Variants in CNGB1 observed in about 807,000 individuals in gnomAD.
CNGB1 encodes cyclic nucleotide-gated channel beta-1.
In CNGB1, 126 loss-of-function variants were observed where a neutral mutation model predicts 151.7. The observed-to-expected ratio is 0.83, with a 90% CI of 0.72 to 0.96. The LOEUF (loss-of-function observed/expected upper bound fraction) is 0.96. Ranked by LOEUF, CNGB1 falls within the 40% of genes least tolerant of loss-of-function variation. The probability of loss-of-function intolerance (pLI) is 0.00; values close to 1 mark genes in which losing one functional copy is unlikely to be tolerated. For synonymous variants in CNGB1, 623 were observed against 635.1 expected (o/e 0.98, Z 0.29); for missense variants, 1,698 against 1,627.0 (o/e 1.04, Z -0.75).
At position 57,885,306 on chromosome 16, in the gene CNGB1, G is replaced by A. The variant is rs182254257; in HGVS notation, c.3463-849C>T. Among the ~76,000 whole-genome samples the A allele has an allele frequency of 5.3e-5, 8 of 152,206 alleles. No homozygotes were observed. The East Asian group carries it at 1.4e-3, about 26-fold the overall frequency. ...AATGTGCTTGTGCAGAGAGACCTGCGCCATTTGCTCAAGTCATAGGATATT... is the reference window on the plus strand; with the variant it reads ...AATGTGCTTGTGCAGAGAGACCTGCACCATTTGCTCAAGTCATAGGATATT... On this transcript the variant is annotated intron_variant, in intron 32 of 32. Transcript: ENST00000251102.
rs1175744303 is a variant in CNGB1 at position 57,882,853 on chromosome 16, T to G, written c.*1311A>C. ...GCAACATGACACGATCTGGAAAGCT[T>G]TAGGGAATGTAAGTGCTGTCATCAG... On this transcript the variant is annotated 3_prime_UTR_variant, in exon 33 of 33. Coordinates refer to ENST00000251102, the MANE Select transcript of CNGB1 (RefSeq NM_001297.5). 1 of 151,620 alleles carries G rather than the reference T, an allele frequency of 6.6e-6. No individual in the cohort carries two copies. Among genetic ancestry groups the G allele is most frequent in the African/African-American group, 2.4e-5 (1 of 41,174 alleles). 9.4% of individuals were successfully genotyped at this position (151,620 alleles called of 1,614,324 possible).
At chr16:57,969,922 G>A (rs1422181927) in intron 1 of CNGB1, among the ~76,000 whole-genome samples, 1 of 152,196 alleles carries the variant, frequency 6.6e-6, no homozygotes, top group Non-Finnish European at 1.5e-5. Context: ...TTGGCAGAGA[G>A]TCTGTATGCC....
At position 57,953,060 on chromosome 16, in the gene CNGB1, C is replaced by T. The variant is rs565343757; in HGVS notation, c.875-2520G>A. Among the ~76,000 whole-genome samples the T allele has an allele frequency of 2.0e-5, 3 of 152,274 alleles. No homozygotes were observed. In the South Asian group the frequency reaches 6.2e-4, roughly 32 times the overall value. On this transcript the variant is annotated intron_variant, in intron 12 of 32. Coordinates refer to ENST00000251102, the MANE Select transcript of CNGB1 (RefSeq NM_001297.5). ...TGATTCATAGCTCGCCCAGCTTCTC[C>T]GTGGCCCTACCCAGGTGCTCAGGAG...
chr16:57,941,403 G>T (rs1016906620), intron 14 of CNGB1, among the ~76,000 whole-genome samples: 2 of 152,178 alleles, frequency 1.3e-5, no homozygotes, highest in Non-Finnish European at 2.9e-5. Context: ...AAGGACGGTG[G>T]GGCAGGAAGG....
At chr16:57,904,707 T>C (rs1412764518) in intron 26 of CNGB1, 27 bp downstream of exon 26, 2 of 1,613,304 alleles carry the variant, frequency 1.2e-6, no homozygotes, top group South Asian at 2.2e-5. Flanking sequence ...TCAGGTGGGG[T>C]GGGAAGCTGG....
intron 32 of CNGB1, among the ~76,000 whole-genome samples, chr16:57,885,557 C>CCTCTCTCTCTCTCTCTCT (rs1220420237): frequency 1.0e-5 from 1 of 97,620 alleles, no homozygotes; most frequent in Non-Finnish European, 2.1e-5. Context: ...TTCCTTCCTT[C>CCTCTCTCTCTCTCTCTCT]CTCTCTCTCT....
rs1567387556 is a variant in CNGB1 at position 57,940,216 on chromosome 16, GC to G, written c.1209+17del. The stretch of plus-strand genomic sequence containing the variant: ...CAAGCCAGGCCTCAGAGGTGCCAGT[GC>G]CTGGTGCTTCTCATACCTGATCTGA... On this transcript the variant is annotated intron_variant, in intron 15 of 32. Transcript: ENST00000251102. 1.5e-5 allele frequency: 23 copies of G among 1,555,886 alleles called. No individual in the cohort carries two copies. Among genetic ancestry groups the G allele is most frequent in the Non-Finnish European group, 1.7e-5 (20 of 1,148,988 alleles).
At chr16:57,906,711 C>T (rs1960561980) in intron 25 of CNGB1, among the ~76,000 whole-genome samples, 1 of 152,232 alleles carries the variant, frequency 6.6e-6, no homozygotes, top group Non-Finnish European at 1.5e-5. Flanking sequence ...GAGCTGGGTG[C>T]TTATGCCGCT....
In CNGB1 at chr16:57,897,829, G is replaced by A. The variant is rs774186674; in HGVS notation, c.3062C>T (p.Thr1021Met). 24 of 1,614,022 alleles carry A rather than the reference G, an allele frequency of 1.5e-5. No individual in the cohort carries two copies. The Admixed American group carries it at 1.8e-4, about 12-fold the overall frequency. Residue 1021 changes from threonine to methionine, a missense_variant, in exon 30 of 33, where the codon ACG becomes ATG. Thr to Met is a moderately conservative substitution (Grantham distance 81). Transcript: ENST00000251102. ...TCCAAACACAGATCCAGCTTTCAGC[G>A]TCACCAGCACAGATTTCCCATCAGG... ...GGPDGKSVLV[T>M]LKAGSVFGEI...
intron 31 of CNGB1, 66 bp downstream of exon 31, chr16:57,897,331 G>T: frequency 3.3e-6 from 5 of 1,499,716 alleles, no homozygotes; most frequent in African/African-American, 1.4e-5. Flanking sequence ...TAAAGGTACT[G>T]TGGTTATGTA....
rs376776815 is a variant in CNGB1, at chr16:57,916,119, C to T, written c.2217+10G>A. On this transcript the variant is annotated intron_variant, in intron 22 of 32. Transcript: ENST00000251102. ...CCGCAGACGCTAAACCTTGCATGCC[C>T]GGCACACACCTTGAAGCGGCGAGAC... The T allele has an allele frequency of 1.7e-5, 28 of 1,613,764 alleles. No individual in the cohort carries two copies. In the African/African-American group the frequency reaches 2.7e-4, roughly 15 times the overall value.
intron 8 of CNGB1, 62 bp from the exon 9 acceptor site, chr16:57,960,592 G>A: frequency 1.4e-5 from 23 of 1,587,680 alleles, no homozygotes; most frequent in Non-Finnish European, 1.8e-5. Flanking sequence ...TTCCCCAACC[G>A]CCACTACCAG....
At position 57,899,241 on chromosome 16, in the gene CNGB1, A is replaced by G. The variant is rs1018082356; in HGVS notation, c.2977-1327T>C. 4.6e-5 allele frequency among the ~76,000 whole-genome samples: 7 copies of G among 152,278 alleles called. No homozygotes were observed. In the East Asian group the frequency reaches 7.7e-4, roughly 17 times the overall value. ...CACCTAGTCTGCCATGCGCCTTCCA[A>G]TCCTCATGCCTTCACCGGCCCTTGT... On this transcript the variant is annotated intron_variant, in intron 29 of 32. Coordinates refer to ENST00000251102, the MANE Select transcript of CNGB1 (RefSeq NM_001297.5).
intron 17 of CNGB1, among the ~76,000 whole-genome samples, chr16:57,926,129 C>A (rs1961181262): frequency 6.6e-6 from 1 of 152,200 alleles, no homozygotes; most frequent in Admixed American, 6.5e-5. Context: ...GCTGAAAACT[C>A]CAGCCAGTCC....
Position 57,931,883 on chromosome 16 carries a change from GGGAGAGGAA to G in CNGB1, c.1373-14_1373-6del. On this transcript the variant is annotated splice_polypyrimidine_tract_variant and splice_region_variant and intron_variant, in intron 16 of 32. Coordinates refer to ENST00000251102, the MANE Select transcript of CNGB1 (RefSeq NM_001297.5). The stretch of plus-strand genomic sequence containing the variant: ...GGTGCTGTTTCGTGGCAGGCACTGG[GGGAGAGGAA>G]GGAGAGGAGAAAGTCAGAGAGAGAC... 6.2e-7 allele frequency: 1 copy of G among 1,613,984 alleles called. No individual in the cohort carries two copies. Among genetic ancestry groups the G allele is most frequent in the South Asian group, 1.1e-5 (1 of 91,004 alleles).
At chr16:57,962,441 A>C (rs540016609) in intron 7 of CNGB1, 124 bp downstream of exon 7, 1 of 856,886 alleles carries the variant, frequency 1.2e-6, no homozygotes, top group East Asian at 2.4e-5. Context: ...CAGGCCCAGA[A>C]GAGACGGGAG....
In CNGB1 at chr16:57,919,276, C is replaced by T. The variant is rs377614396; in HGVS notation, c.1802-22G>A. The T allele has an allele frequency of 4.3e-6, 7 of 1,613,886 alleles. No individual in the cohort carries two copies. The African/African-American group carries it at 8.0e-5, about 18-fold the overall frequency. ...GGGGCTGTGGGATGACATTGGTGAC[C>T]ATCTGAACCAGCCCTGAGGCCCAGG... On this transcript the variant is annotated intron_variant, in intron 19 of 32. Coordinates refer to ENST00000251102, the MANE Select transcript of CNGB1 (RefSeq NM_001297.5).
At chr16:57,966,298 C>T (rs1481582976) in intron 2 of CNGB1, among the ~76,000 whole-genome samples, 1 of 152,206 alleles carries the variant, frequency 6.6e-6, no homozygotes, top group African/African-American at 2.4e-5. Flanking sequence ...CTCTTGTCTG[C>T]TGAGTCCCCG....
chr16:57,946,989 G>A (rs1475606571), intron 14 of CNGB1, among the ~76,000 whole-genome samples: 1 of 152,252 alleles, frequency 6.6e-6, no homozygotes, highest in Non-Finnish European at 1.5e-5. Flanking sequence ...ATGTACATGT[G>A]TGCCTGTGTG....
Sources: gnomAD v4.1 joint callset for allele counts (sites outside exome capture counted in the v4.1 genomes callset) on GRCh38, gnomAD v4.1.1 for gene constraint, MANE v1.5 for transcripts, NCBI Gene and HGNC (gene_info 2026-07-23, HGNC 2026-07-21) for gene names.